EYS: variants seen among roughly 807,000 people sequenced by gnomAD.
EYS encodes EGF-like photoreceptor maintenance factor.
A neutral mutation model predicts 282.1 loss-of-function variants in EYS; 250 were observed. That is an observed-to-expected ratio of 0.89 (90% CI 0.80 to 0.98). The LOEUF is 0.98. EYS is among the 50% of genes least tolerant of loss of function. The probability of loss-of-function intolerance (pLI) is 0.00; values close to 1 mark genes in which losing one functional copy is unlikely to be tolerated. For missense variants in EYS, 4,016 were observed against 3,709.0 expected (o/e 1.08, Z -2.15); for synonymous variants, 1,355 against 1,282.9 (o/e 1.06, Z -1.20).
intron 26 of EYS, among the ~76,000 whole-genome samples, chr6:64,562,431 G>A (rs1765426351): frequency 6.6e-6 from 1 of 151,714 alleles, no homozygotes; most frequent in Non-Finnish European, 1.5e-5. Flanking sequence ...ACAGATTATA[G>A]AACCTAAAGT....
At chr6:64,376,422 A>T (rs1243163896) in intron 29 of EYS, among the ~76,000 whole-genome samples, 1 of 152,194 alleles carries the variant, frequency 6.6e-6, no homozygotes, top group Non-Finnish European at 1.5e-5. Context: ...ACTGGGGAAA[A>T]ATCAGTGTTA....
At chr6:64,162,416 G>A (rs1189861805) in intron 31 of EYS, among the ~76,000 whole-genome samples, 2 of 152,250 alleles carry the variant, frequency 1.3e-5, no homozygotes, top group Middle Eastern at 3.4e-3. Context: ...AACCCCAGGA[G>A]TTTTCAGCCC....
intron 22 of EYS, among the ~76,000 whole-genome samples, chr6:64,790,072 T>C (rs990365163): frequency 6.6e-6 from 1 of 151,998 alleles, no homozygotes; most frequent in African/African-American, 2.4e-5. Flanking sequence ...TCTCACTAGA[T>C]TTGTTTTTTA....
intron 28 of EYS, among the ~76,000 whole-genome samples, chr6:64,403,605 C>T (rs1210388146): frequency 6.6e-6 from 1 of 152,164 alleles, no homozygotes; most frequent in African/African-American, 2.4e-5. Context: ...GATCTGCCTG[C>T]CTCAGCTTCC....
chr6:63,922,534 G>A (rs1764602127), intron 35 of EYS, among the ~76,000 whole-genome samples: 1 of 152,178 alleles, frequency 6.6e-6, no homozygotes, highest in Non-Finnish European at 1.5e-5. Context: ...CTGCACTCCA[G>A]CCTGGGTGAC....
At chr6:64,085,347 C>CACACACACACACACACAG (rs1554205325) in intron 31 of EYS, among the ~76,000 whole-genome samples, 2 of 151,368 alleles carry the variant, frequency 1.3e-5, no homozygotes, top group African/African-American at 4.9e-5. Flanking sequence ...CGCGCACACA[C>CACACACACACACACACAG]ACACACACAC....
At chr6:65,283,038 A>G (rs1183054208) in intron 12 of EYS, among the ~76,000 whole-genome samples, 2 of 152,004 alleles carry the variant, frequency 1.3e-5, no homozygotes, top group African/African-American at 4.8e-5. Context: ...ATATGTTATT[A>G]GACATGTCTA....
intron 35 of EYS, among the ~76,000 whole-genome samples, chr6:63,887,979 C>A (rs1773309097): frequency 6.6e-6 from 1 of 152,174 alleles, no homozygotes; most frequent in Admixed American, 6.5e-5. Flanking sequence ...TTTGCCATTA[C>A]TGAAGCTTGA....
chr6:64,122,899 G>T (rs567865026), intron 31 of EYS, among the ~76,000 whole-genome samples: 1 of 151,206 alleles, frequency 6.6e-6, no homozygotes, highest in Non-Finnish European at 1.5e-5. Context: ...ATAAATAACA[G>T]AAATGCTTAC....
chr6:64,348,312 C>T (rs957615861), intron 29 of EYS, among the ~76,000 whole-genome samples: 12 of 151,422 alleles, frequency 7.9e-5, no homozygotes, highest in African/African-American at 2.9e-4. Flanking sequence ...TTTTCTCTAG[C>T]ATCATATTTA....
intron 35 of EYS, among the ~76,000 whole-genome samples, chr6:63,971,045 G>A (rs1186236981): frequency 2.0e-5 from 3 of 152,190 alleles, no homozygotes; most frequent in Non-Finnish European, 4.4e-5. Flanking sequence ...ACCATAAATT[G>A]TAACATTTAG....
chr6:63,888,108 G>A (rs1773312070), intron 35 of EYS, among the ~76,000 whole-genome samples: 1 of 152,186 alleles, frequency 6.6e-6, no homozygotes, highest in Admixed American at 6.5e-5. Context: ...CTCTGGGAAG[G>A]GCATCTCTGA....
At chr6:65,656,628 TG>T (rs1334515552) in intron 1 of EYS, among the ~76,000 whole-genome samples, 1 of 151,892 alleles carries the variant, frequency 6.6e-6, no homozygotes, top group African/African-American at 2.4e-5. Flanking sequence ...CCTCAGATGC[TG>T]GAAAAGAAGT....
intron 22 of EYS, among the ~76,000 whole-genome samples, chr6:64,672,164 C>T (rs1365748588): frequency 1.3e-5 from 2 of 152,118 alleles, no homozygotes; most frequent in Admixed American, 1.3e-4. Flanking sequence ...TTTGAATAAC[C>T]TTTCCCTTTT....
intron 35 of EYS, among the ~76,000 whole-genome samples, chr6:63,886,591 T>C (rs1477642664): frequency 1.3e-5 from 2 of 152,224 alleles, no homozygotes; most frequent in Admixed American, 1.3e-4. Context: ...GATAACAAGA[T>C]GATGAGGTGC....
intron 5 of EYS, among the ~76,000 whole-genome samples, chr6:65,445,964 G>A (rs927537277): frequency 6.6e-6 from 1 of 151,564 alleles, no homozygotes; most frequent in Non-Finnish European, 1.5e-5. Flanking sequence ...CATAATTTAG[G>A]AGAAATAAAA....
intron 30 of EYS, among the ~76,000 whole-genome samples, chr6:64,253,592 T>C (rs958447954): frequency 2.6e-5 from 4 of 152,152 alleles, no homozygotes; most frequent in African/African-American, 4.8e-5. Flanking sequence ...CCAGAGTTTT[T>C]TTAGCTGTCA....
At chr6:65,274,335 C>T (rs770017641) in intron 12 of EYS, among the ~76,000 whole-genome samples, 3 of 152,188 alleles carry the variant, frequency 2.0e-5, no homozygotes, top group Non-Finnish European at 2.9e-5. Flanking sequence ...TTCAACTCCT[C>T]TATTTGATCT....
intron 5 of EYS, among the ~76,000 whole-genome samples, chr6:65,415,212 G>T (rs577340367): frequency 6.7e-4 from 102 of 152,012 alleles, no homozygotes; most frequent in Non-Finnish European, 1.3e-3. Context: ...AATAAAAATG[G>T]AAAGAGGTAG....
Sources: allele counts gnomAD v4.1 joint callset (sites outside exome capture counted in the v4.1 genomes callset), GRCh38; gene constraint gnomAD v4.1.1; transcripts MANE v1.5; gene names NCBI Gene and HGNC (gene_info 2026-07-23, HGNC 2026-07-21).